The following GRID2 variants were observed in gnomAD, a reference collection of about 807,000 sequenced individuals.
The protein encoded by GRID2 is glutamate receptor ionotropic, delta-2.
A neutral mutation model predicts 114.8 loss-of-function variants in GRID2; 33 were observed. The ratio of observed to expected loss-of-function variants is 0.29; its 90% confidence interval spans 0.22 to 0.38. The LOEUF (loss-of-function observed/expected upper bound fraction) is 0.38. Among genes scored for constraint, GRID2 ranks in the 10% least tolerant of loss-of-function variants. The probability of loss-of-function intolerance (pLI) is 1.00; values close to 1 mark genes in which losing one functional copy is unlikely to be tolerated. For missense variants in GRID2, 1,184 were observed against 1,257.7 expected, an observed-to-expected ratio of 0.94 and a Z score of 0.89; for synonymous variants, 505 against 449.9, an observed-to-expected ratio of 1.12 and a Z score of -1.55.
intron 13 of GRID2, among the ~76,000 whole-genome samples, chr4:93,560,213 A>G (rs1317513553): frequency 2.3e-5 from 3 of 131,000 alleles, no homozygotes; most frequent in African/African-American, 8.7e-5. Flanking sequence ...TGTATTCCAG[A>G]ACTTAAAGTA....
chr4:93,338,696 A>G (rs1759334877), intron 8 of GRID2, among the ~76,000 whole-genome samples: 1 of 152,084 alleles, frequency 6.6e-6, no homozygotes. Flanking sequence ...CTACCTCCAT[A>G]CCTTAAACCA....
chr4:93,041,106 A>C (rs947818879), intron 2 of GRID2, among the ~76,000 whole-genome samples: 2 of 152,156 alleles, frequency 1.3e-5, no homozygotes, highest in Non-Finnish European at 2.9e-5. Context: ...TCAATAAATA[A>C]ATAAAATATT....
In GRID2 at chr4:93,212,951, T is replaced by A. The variant is rs1157098041; in HGVS notation, c.790-3787T>A. ...CCACGCCTGGCTAATTTTTGTATTT[T>A]TAGTAGAAATGGGGTTTCACCATGT... On this transcript the variant is annotated intron_variant, in intron 5 of 15. Transcript: ENST00000282020. 2.6e-5 allele frequency among the ~76,000 whole-genome samples: 4 copies of A among 152,158 alleles called. No homozygotes were observed. In the East Asian group the frequency reaches 7.8e-4, roughly 30 times the overall value.
intron 2 of GRID2, among the ~76,000 whole-genome samples, chr4:92,619,081 G>A (rs1447663346): frequency 6.6e-6 from 1 of 151,502 alleles, no homozygotes; most frequent in East Asian, 2.0e-4. Flanking sequence ...TGGATATCTA[G>A]GAGTTGCTTT....
At chr4:93,759,534 A>G (rs1733033718) in intron 14 of GRID2, among the ~76,000 whole-genome samples, 1 of 152,170 alleles carries the variant, frequency 6.6e-6, no homozygotes, top group South Asian at 2.1e-4. Flanking sequence ...CTAAGAAAAA[A>G]GTTAATTGGA....
intron 4 of GRID2, among the ~76,000 whole-genome samples, chr4:93,153,032 TA>T (rs1736868391): frequency 6.6e-6 from 1 of 152,108 alleles, no homozygotes; most frequent in African/African-American, 2.4e-5. Flanking sequence ...AAAGGAAGCC[TA>T]AATATGAAAT....
intron 8 of GRID2, among the ~76,000 whole-genome samples, chr4:93,256,638 T>TGATA (rs572201241): frequency 1.3e-5 from 2 of 151,826 alleles, no homozygotes; most frequent in Admixed American, 6.6e-5. Flanking sequence ...AAAGAAAATA[T>TGATA]GATAGATAGA....
At chr4:92,397,810 A>C (rs1055593790) in intron 1 of GRID2, among the ~76,000 whole-genome samples, 1 of 152,194 alleles carries the variant, frequency 6.6e-6, no homozygotes, top group Non-Finnish European at 1.5e-5. Context: ...ATCAGTAATT[A>C]ATAATGAACC....
chr4:93,789,189 T>C (rs1021251252), intron 1 of GRID2, among the ~76,000 whole-genome samples: 1 of 152,182 alleles, frequency 6.6e-6, no homozygotes, highest in Non-Finnish European at 1.5e-5. Flanking sequence ...TGTTTTATAA[T>C]TCACATTTTC....
chr4:92,513,368 T>C (rs1245096393), intron 1 of GRID2, among the ~76,000 whole-genome samples: 2 of 151,858 alleles, frequency 1.3e-5, no homozygotes, highest in African/African-American at 2.4e-5. Flanking sequence ...TTCTGCTTAA[T>C]TCTGGGAACT....
intron 8 of GRID2, chr4:93,302,440 A>G (rs1259967749): frequency 2.6e-6 from 1 of 389,514 alleles, no homozygotes; most frequent in Non-Finnish European, 5.2e-6. Context: ...AAGGTCCTGT[A>G]TGCCAGTTAT....
intron 2 of GRID2, among the ~76,000 whole-genome samples, chr4:93,032,076 G>A (rs867504294): frequency 1.3e-5 from 2 of 152,120 alleles, no homozygotes; most frequent in Admixed American, 1.3e-4. Context: ...AGTGAGACAG[G>A]AGAACTTTCT....
At chr4:93,364,206 T>C (rs1369150034) in intron 8 of GRID2, among the ~76,000 whole-genome samples, 1 of 152,204 alleles carries the variant, frequency 6.6e-6, no homozygotes, top group South Asian at 2.1e-4. Flanking sequence ...CTGAAACTAG[T>C]GCTATTTTTA....
At chr4:93,485,787 T>G (rs772110313) in intron 11 of GRID2, among the ~76,000 whole-genome samples, 35 of 151,848 alleles carry the variant, frequency 2.3e-4, no homozygotes, top group Middle Eastern at 3.4e-3. Flanking sequence ...CAAGAGCCAG[T>G]TTTTTTCTTC....
intron 2 of GRID2, among the ~76,000 whole-genome samples, chr4:92,879,485 T>C (rs1458931201): frequency 6.6e-6 from 1 of 152,178 alleles, no homozygotes; most frequent in Non-Finnish European, 1.5e-5. Flanking sequence ...CTAGTAGCAG[T>C]GTATACCCAT....
intron 12 of GRID2, among the ~76,000 whole-genome samples, chr4:93,491,394 C>T (rs184934456): frequency 1.5e-4 from 23 of 151,856 alleles, no homozygotes; most frequent in Middle Eastern, 3.4e-3. Flanking sequence ...TTATTTAATC[C>T]TAAAAGTTAC....
chr4:93,723,903 T>C (rs915008245), intron 14 of GRID2, among the ~76,000 whole-genome samples: 1 of 152,206 alleles, frequency 6.6e-6, no homozygotes, highest in African/African-American at 2.4e-5. Flanking sequence ...GACTACATTC[T>C]TCACAATATC....
At chr4:93,503,095 C>T (rs1728286914) in intron 12 of GRID2, among the ~76,000 whole-genome samples, 1 of 152,076 alleles carries the variant, frequency 6.6e-6, no homozygotes, top group East Asian at 1.9e-4. Flanking sequence ...GAAATACCAC[C>T]TACTTGAGAA....
At chr4:93,307,293 T>A (rs1026927022) in intron 8 of GRID2, among the ~76,000 whole-genome samples, 4 of 152,038 alleles carry the variant, frequency 2.6e-5, no homozygotes, top group Admixed American at 2.6e-4. Context: ...AGACTCAGAA[T>A]TTCAGTCCAG....
Sources: gnomAD v4.1 joint callset for allele counts (sites outside exome capture counted in the v4.1 genomes callset) on GRCh38, gnomAD v4.1.1 for gene constraint, MANE v1.5 for transcripts, NCBI Gene and HGNC (gene_info 2026-07-23, HGNC 2026-07-21) for gene names.